The following MAPK8 variants were observed in gnomAD, a reference collection of about 807,000 sequenced individuals.
MAPK8 encodes JUN N-terminal kinase.
MAPK8 carries 13 observed loss-of-function variants against 52.9 expected under a neutral mutation model. The ratio of observed to expected loss-of-function variants is 0.25; its 90% CI spans 0.16 to 0.39. MAPK8 has a LOEUF of 0.39. Among genes scored for constraint, MAPK8 ranks in the 10% least tolerant of loss-of-function variants. The pLI is 1.00. For missense variants in MAPK8, 300 were observed against 519.2 expected, an observed-to-expected ratio of 0.58 and a Z score of 4.10; for synonymous variants, 191 against 169.8, an observed-to-expected ratio of 1.12 and a Z score of -0.97.
At position 48,423,674 on chromosome 10, in the gene MAPK8, A is replaced by T. The variant is rs1046033262; in HGVS notation, c.617-414A>T. On this transcript the variant is annotated intron_variant, in intron 6 of 11. Coordinates refer to ENST00000374189, the MANE Select transcript of MAPK8 (RefSeq NM_001323329.2). ...ATTTTCTCATGCTTTTTTCTTAGAG[A>T]GTATAATGCACAGTTGAACTTCTAA... Among the ~76,000 whole-genome samples, 4 of 152,098 alleles carry T rather than the reference A, an allele frequency of 2.6e-5. No individual in the cohort carries two copies. The East Asian group carries it at 7.7e-4, about 29-fold the overall frequency.
At chr10:48,365,274 T>G (rs1847925800) in intron 1 of MAPK8, among the ~76,000 whole-genome samples, 1 of 152,154 alleles carries the variant, frequency 6.6e-6, no homozygotes, top group Non-Finnish European at 1.5e-5. Context: ...AAGGATGTAC[T>G]TAATTTCTGT....
Position 48,435,047 on chromosome 10 carries a change from G to T in MAPK8, c.*18G>T. The T allele has an allele frequency of 2.7e-6, 4 of 1,505,066 alleles. No individual in the cohort carries two copies. In the South Asian group the frequency reaches 5.1e-5, roughly 19 times the overall value. 93.2% of individuals were successfully genotyped at this position (1,505,066 alleles called of 1,614,324 possible). A position where few individuals can be genotyped will look rare whatever the true frequency, so the allele number is the denominator to read the frequency against. On this transcript the variant is annotated 3_prime_UTR_variant, in exon 12 of 12. Coordinates refer to ENST00000374189, the MANE Select transcript of MAPK8 (RefSeq NM_001323329.2). ...GTAGATGACTACTTGGGCCATCGGGGGGTGGGAGGGATGGGGAGTCGGTTA... is the reference window on the plus strand; with the variant it reads ...GTAGATGACTACTTGGGCCATCGGGTGGTGGGAGGGATGGGGAGTCGGTTA...
At chr10:48,433,290 A>G (rs1329527269) in intron 11 of MAPK8, among the ~76,000 whole-genome samples, 1 of 152,226 alleles carries the variant, frequency 6.6e-6, no homozygotes, top group Non-Finnish European at 1.5e-5. Context: ...TTTGGGTAAA[A>G]TAATAGACCC....
intron 2 of MAPK8, 122 bp downstream of exon 2, chr10:48,401,904 T>C (rs1010048637): frequency 1.4e-5 from 11 of 792,568 alleles, no homozygotes; most frequent in Non-Finnish European, 2.0e-5. Flanking sequence ...AAACTAAAAA[T>C]TAAACGAAAA....
intron 7 of MAPK8, 67 bp from the exon 8 acceptor site, chr10:48,425,820 GT>G: frequency 3.8e-6 from 1 of 260,816 alleles, no homozygotes; most frequent in Non-Finnish European, 6.1e-6. Flanking sequence ...CTATTTTCTT[GT>G]AATATGAATA....
intron 1 of MAPK8, among the ~76,000 whole-genome samples, chr10:48,352,083 C>T (rs193097684): frequency 6.6e-6 from 1 of 152,254 alleles, no homozygotes; most frequent in East Asian, 1.9e-4. Context: ...GTACAACATA[C>T]TGCAAGTCAC....
chr10:48,372,541 G>C (rs1022287040), intron 1 of MAPK8, among the ~76,000 whole-genome samples: 1 of 152,128 alleles, frequency 6.6e-6, no homozygotes, highest in African/African-American at 2.4e-5. Flanking sequence ...TGACCTGATG[G>C]AACTGAAAAA....
intron 1 of MAPK8, among the ~76,000 whole-genome samples, chr10:48,378,502 G>A (rs1035173686): frequency 1.3e-5 from 2 of 151,932 alleles, no homozygotes; most frequent in Non-Finnish European, 2.9e-5. Flanking sequence ...AATGAAAAAA[G>A]AACCTATTCA....
rs1201564389 is a variant in MAPK8, at chr10:48,435,591, T to G, written c.*562T>G. The G allele has an allele frequency of 6.6e-6, 1 of 152,220 alleles. No individual in the cohort carries two copies. The highest frequency in any genetic ancestry group is 1.5e-5 in the Non-Finnish European group (1 of 68,046). 9.4% of individuals were successfully genotyped at this position (152,220 alleles called of 1,614,324 possible). On this transcript the variant is annotated 3_prime_UTR_variant, in exon 12 of 12. Coordinates refer to ENST00000374189, the MANE Select transcript of MAPK8 (RefSeq NM_001323329.2). Reference sequence around the variant, plus strand: ...TGAACGTGTTAGGAGACCTCCAATATTTGCTACTTGCCAATCCTAATTTAG... The same window carrying G: ...TGAACGTGTTAGGAGACCTCCAATAGTTGCTACTTGCCAATCCTAATTTAG...
chr10:48,434,854 T>A (rs1222888193), intron 11 of MAPK8, 30 bp from the exon 12 acceptor site: 1 of 1,581,840 alleles, frequency 6.3e-7, no homozygotes, highest in Non-Finnish European at 8.6e-7. Context: ...TGTCTGCAAC[T>A]GATTTGCTGT....
chr10:48,429,629 T>TA (rs2044011741), intron 10 of MAPK8, among the ~76,000 whole-genome samples: 1 of 152,230 alleles, frequency 6.6e-6, no homozygotes, highest in Non-Finnish European at 1.5e-5. Flanking sequence ...AAAATCCTCT[T>TA]ACTGCAAATG....
At chr10:48,309,860 A>G (rs776122367) in intron 1 of MAPK8, among the ~76,000 whole-genome samples, 1 of 152,206 alleles carries the variant, frequency 6.6e-6, no homozygotes, top group Non-Finnish European at 1.5e-5. Context: ...TATGGGTAGT[A>G]GCTTTTCTGA....
At chr10:48,334,013 TG>T (rs1252057720) in intron 1 of MAPK8, among the ~76,000 whole-genome samples, 1 of 152,168 alleles carries the variant, frequency 6.6e-6, no homozygotes, top group Non-Finnish European at 1.5e-5. Flanking sequence ...TGGCCCCACT[TG>T]GGGCTGGCAT....
At position 48,349,900 on chromosome 10, in the gene MAPK8, A is replaced by T. The variant is rs112697595; in HGVS notation, c.-50+43079A>T. 3.0e-3 allele frequency among the ~76,000 whole-genome samples: 457 copies of T among 152,300 alleles called. 4 individuals are homozygous for T. The highest frequency in any genetic ancestry group is 0.011 in the African/African-American group (445 of 41,570). On this transcript the variant is annotated intron_variant, in intron 1 of 11. Coordinates refer to ENST00000374189, the MANE Select transcript of MAPK8 (RefSeq NM_001323329.2). The stretch of plus-strand genomic sequence containing the variant: ...CTAATAAAGAAGAAAAGATAAAAGA[A>T]TCAAATAGACAAAATAAAAAATGAT...
chr10:48,404,114 A>G (rs114707425), intron 2 of MAPK8, among the ~76,000 whole-genome samples: 1,682 of 150,518 alleles, frequency 0.011, 35 homozygotes, highest in African/African-American at 0.039. Context: ...GTCCAAAAGG[A>G]TAGAAGTAAT....
chr10:48,407,238 G>A (rs2042520334), intron 3 of MAPK8, among the ~76,000 whole-genome samples: 1 of 152,112 alleles, frequency 6.6e-6, no homozygotes, highest in South Asian at 2.1e-4. Flanking sequence ...TGAGCATATT[G>A]CAGAAATTAC....
chr10:48,324,316 T>A (rs1315719403), intron 1 of MAPK8, among the ~76,000 whole-genome samples: 1 of 152,194 alleles, frequency 6.6e-6, no homozygotes, highest in African/African-American at 2.4e-5. Context: ...GCATGGATAG[T>A]GTTCAAATTG....
In MAPK8 at chr10:48,424,175, T is replaced by G. The variant is rs368253351; in HGVS notation, c.688+16T>G. On this transcript the variant is annotated intron_variant, in intron 7 of 11. Coordinates refer to ENST00000374189, the MANE Select transcript of MAPK8 (RefSeq NM_001323329.2). Reference sequence around the variant, plus strand: ...GGAAGGGACTGTATCCTTGTGCTGCTGCAGCAGTTAATTAGTTAGGCGATG... The same window carrying G: ...GGAAGGGACTGTATCCTTGTGCTGCGGCAGCAGTTAATTAGTTAGGCGATG... 19 of 1,606,696 alleles carry G rather than the reference T, an allele frequency of 1.2e-5. No homozygotes were observed. Among genetic ancestry groups the G allele is most frequent in the Non-Finnish European group, 1.5e-5 (18 of 1,174,678 alleles).
chr10:48,418,098 C>A (rs1003842559), intron 5 of MAPK8, among the ~76,000 whole-genome samples: 1 of 152,206 alleles, frequency 6.6e-6, no homozygotes, highest in Non-Finnish European at 1.5e-5. Context: ...AGTATCAGCA[C>A]TTTCTTTACA....
Sources: gnomAD v4.1 joint callset for allele counts (sites outside exome capture counted in the v4.1 genomes callset) on GRCh38, gnomAD v4.1.1 for gene constraint, MANE v1.5 for transcripts, NCBI Gene and HGNC (gene_info 2026-07-23, HGNC 2026-07-21) for gene names.